Variants in TRAM2 observed in about 807,000 individuals in gnomAD.
The protein encoded by TRAM2 is translocation associated membrane protein 2.
A neutral mutation model predicts 51.0 loss-of-function variants in TRAM2; 12 were observed. The ratio of observed to expected loss-of-function variants is 0.24; its 90% CI spans 0.15 to 0.38. The LOEUF is 0.38. Among genes scored for constraint, TRAM2 ranks in the 10% least tolerant of loss-of-function variants. The pLI is 1.00. For synonymous variants in TRAM2, 175 were observed against 179.4 expected, an observed-to-expected ratio of 0.98 and a Z score of 0.20; for missense variants, 361 against 462.0, an observed-to-expected ratio of 0.78 and a Z score of 2.00.
intron 1 of TRAM2, among the ~76,000 whole-genome samples, chr6:52,564,491 C>G (rs1767557713): frequency 6.6e-6 from 1 of 152,246 alleles, no homozygotes; most frequent in Non-Finnish European, 1.5e-5. Flanking sequence ...TTCTCTCTGC[C>G]TGGAACTCCC....
intron 1 of TRAM2, among the ~76,000 whole-genome samples, chr6:52,559,115 G>T (rs1767455975): frequency 6.6e-6 from 1 of 152,166 alleles, no homozygotes; most frequent in South Asian, 2.1e-4. Context: ...TGGTACTTTA[G>T]TAAGTTTATA....
chr6:52,504,870 C>T (rs930264058), intron 9 of TRAM2, 116 bp from the exon 10 acceptor site: 112 of 886,290 alleles, frequency 1.3e-4, no homozygotes, highest in Non-Finnish European at 1.4e-4. Context: ...TTATCACGTC[C>T]GCCTTCACCA....
chr6:52,511,966 C>T (rs761441), intron 4 of TRAM2, among the ~76,000 whole-genome samples: 115,312 of 151,936 alleles, frequency 0.76, 43,808 homozygotes, highest in East Asian at 0.86. Flanking sequence ...TGTGTGGTGG[C>T]GGTGACAGTT....
intron 1 of TRAM2, among the ~76,000 whole-genome samples, chr6:52,555,910 G>A (rs1304080806): frequency 6.6e-6 from 1 of 152,094 alleles, no homozygotes; most frequent in Non-Finnish European, 1.5e-5. Context: ...TATAAAAGTG[G>A]TATTTACACA....
intron 7 of TRAM2, 115 bp from the exon 8 acceptor site, chr6:52,506,251 C>T (rs896020824): frequency 2.4e-5 from 21 of 888,634 alleles, no homozygotes; most frequent in Non-Finnish European, 3.6e-5. Context: ...CTTTCCACTC[C>T]CACTTTCCCT....
At chr6:52,519,823 AG>A (rs1442799117) in intron 2 of TRAM2, among the ~76,000 whole-genome samples, 1 of 151,896 alleles carries the variant, frequency 6.6e-6, no homozygotes, top group Non-Finnish European at 1.5e-5. Context: ...AAAAAAAAAA[AG>A]GAAATTCTGA....
intron 1 of TRAM2, among the ~76,000 whole-genome samples, chr6:52,562,941 G>A (rs9382120): frequency 0.42 from 63,857 of 152,058 alleles, 13,582 homozygotes; most frequent in Admixed American, 0.56. Flanking sequence ...TGACCTGGAC[G>A]TGGTATTTTA....
chr6:52,556,991 C>T (rs1199230550), intron 1 of TRAM2, among the ~76,000 whole-genome samples: 1 of 149,948 alleles, frequency 6.7e-6, no homozygotes, highest in Admixed American at 6.6e-5. Context: ...GTCAGGAGTT[C>T]GAGACCACCC....
chr6:52,509,513 C>A lies in TRAM2; in HGVS notation c.470+15G>T. The A allele has an allele frequency of 6.2e-7, 1 of 1,608,964 alleles. No individual in the cohort carries two copies. The highest frequency in any genetic ancestry group is 8.5e-7 in the Non-Finnish European group (1 of 1,178,652). On this transcript the variant is annotated intron_variant, in intron 5 of 10. Coordinates refer to ENST00000182527, the MANE Select transcript of TRAM2 (RefSeq NM_012288.4). ...CGGTCGCTCCTCCCTGGGGCTGAGTCAACAGAATACTCACGGGAGGTGCAC... is the reference window on the plus strand; with the variant it reads ...CGGTCGCTCCTCCCTGGGGCTGAGTAAACAGAATACTCACGGGAGGTGCAC...
intron 1 of TRAM2, among the ~76,000 whole-genome samples, chr6:52,556,065 C>T (rs990254208): frequency 6.6e-6 from 1 of 151,860 alleles, no homozygotes; most frequent in African/African-American, 2.4e-5. Context: ...AGTTTTCTTC[C>T]CAGTGGGAGA....
intron 10 of TRAM2, among the ~76,000 whole-genome samples, chr6:52,504,134 G>T (rs185241253): frequency 3.3e-5 from 5 of 152,360 alleles, no homozygotes; most frequent in African/African-American, 1.2e-4. Context: ...CTAGCACTAT[G>T]TCACTGTGAG....
At chr6:52,523,150 C>A in intron 2 of TRAM2, 1 of 411,258 alleles carries the variant, frequency 2.4e-6, no homozygotes, top group Non-Finnish European at 4.3e-6. Context: ...GTAAAATTTT[C>A]TTCTATTGGT....
At chr6:52,573,958 G>GTTT (rs1767722357) in intron 1 of TRAM2, among the ~76,000 whole-genome samples, 1 of 152,156 alleles carries the variant, frequency 6.6e-6, no homozygotes, top group Admixed American at 6.5e-5. Context: ...TTATAATTGA[G>GTTT]TTTTCCTGGC....
intron 8 of TRAM2, 48 bp downstream of exon 8, chr6:52,505,984 C>A (rs1292474192): frequency 2.5e-6 from 4 of 1,598,436 alleles, no homozygotes; most frequent in African/African-American, 2.7e-5. Flanking sequence ...CTCGGGGGAA[C>A]CCCTGCCCAG....
chr6:52,526,682 C>T (rs116226141), intron 2 of TRAM2, among the ~76,000 whole-genome samples: 4,471 of 152,288 alleles, frequency 0.029, 193 homozygotes, highest in African/African-American at 0.1. Context: ...AGCCACTGCA[C>T]CCGGCCTGCA....
At chr6:52,569,343 T>C (rs917805411) in intron 1 of TRAM2, among the ~76,000 whole-genome samples, 2 of 147,512 alleles carry the variant, frequency 1.4e-5, no homozygotes, top group Non-Finnish European at 3.0e-5. Context: ...CAAGCCAAGA[T>C]TGCACCACTG....
In TRAM2 at chr6:52,504,900, C is replaced by T. The variant is rs139072199; in HGVS notation, c.876-146G>A. On this transcript the variant is annotated intron_variant, in intron 9 of 10. Coordinates refer to ENST00000182527, the MANE Select transcript of TRAM2 (RefSeq NM_012288.4). ...TCACCACTGGCCCTCTTCGATACCA[C>T]CACTATCACCAGGAAGAATGTGTGC... 704 of 660,088 alleles carry T rather than the reference C, an allele frequency of 1.1e-3. 1 individual carries two copies. The highest frequency in any genetic ancestry group is 1.4e-3 in the Non-Finnish European group (560 of 386,976). The allele number at this position is 660,088 out of a possible 1,614,324, so 40.9% of individuals were successfully genotyped here.
At position 52,502,448 on chromosome 6, in the gene TRAM2, C is replaced by G. The variant is rs1045426809; in HGVS notation, c.*749G>C. 7 of 148,776 alleles carry G rather than the reference C, an allele frequency of 4.7e-5. No individual in the cohort carries two copies. The highest frequency in any genetic ancestry group is 2.7e-4 in the Admixed American group (4 of 14,824). 9.2% of individuals were successfully genotyped at this position (148,776 alleles called of 1,614,324 possible). The stretch of plus-strand genomic sequence containing the variant: ...AGCAGTGGGAAGACGTGTCCCCCCC[C>G]ACAGAGCGACAGCAGGCTGGCTTCC... On this transcript the variant is annotated 3_prime_UTR_variant, in exon 11 of 11. Coordinates refer to ENST00000182527, the MANE Select transcript of TRAM2 (RefSeq NM_012288.4).
intron 4 of TRAM2, among the ~76,000 whole-genome samples, chr6:52,513,604 A>G (rs2114067512): frequency 6.6e-6 from 1 of 152,276 alleles, no homozygotes; most frequent in South Asian, 2.1e-4. Context: ...TGGCCATGGG[A>G]TGGCAGGGGA....
Sources: gnomAD v4.1 joint callset for allele counts (sites outside exome capture counted in the v4.1 genomes callset) on GRCh38, gnomAD v4.1.1 for gene constraint, MANE v1.5 for transcripts, NCBI Gene and HGNC (gene_info 2026-07-23, HGNC 2026-07-21) for gene names.